YIPF6: variants seen among roughly 807,000 people sequenced by gnomAD.
The protein encoded by YIPF6 is protein YIPF6.
A neutral mutation model predicts 16.8 loss-of-function variants in YIPF6; 3 were observed. The ratio of observed to expected loss-of-function variants is 0.18; its 90% CI spans 0.08 to 0.46. The LOEUF is 0.46. YIPF6 is among the 20% of genes least tolerant of loss of function. YIPF6 has a pLI of 0.98. For synonymous variants in YIPF6, 67 were observed against 61.9 expected, an observed-to-expected ratio of 1.08 and a Z score of -0.38; for missense variants, 145 against 184.9, an observed-to-expected ratio of 0.78 and a Z score of 1.25.
At chrX:68,529,858 A>G (rs2147827595) in intron 6 of YIPF6, among the ~76,000 whole-genome samples, 1 of 111,643 alleles carries the variant, frequency 9.0e-6, no homozygotes, top group African/African-American at 3.3e-5. Flanking sequence ...TCTTCATCCC[A>G]GAGGGGCACC....
At chrX:68,528,428 T>C (rs949875733) in intron 6 of YIPF6, among the ~76,000 whole-genome samples, 2 of 111,957 alleles carry the variant, frequency 1.8e-5, no homozygotes, top group African/African-American at 6.5e-5. Context: ...GTCTTGACTC[T>C]TTATCCAATT....
intron 6 of YIPF6, among the ~76,000 whole-genome samples, chrX:68,531,540 A>C: frequency 8.9e-6 from 1 of 112,308 alleles, no homozygotes; most frequent in East Asian, 2.8e-4. Flanking sequence ...CAAAAAGCAG[A>C]GCAGCACGAG....
At chrX:68,509,010 C>A (rs773070873) in intron 1 of YIPF6, among the ~76,000 whole-genome samples, 125 of 110,659 alleles carry the variant, frequency 1.1e-3, no homozygotes, top group African/African-American at 4.0e-3. Flanking sequence ...GTTGTTGTTG[C>A]TATGGTTACC....
chrX:68,504,309 T>C (rs963545552), intron 1 of YIPF6, among the ~76,000 whole-genome samples: 2 of 111,246 alleles, frequency 1.8e-5, no homozygotes, highest in African/African-American at 6.5e-5. Flanking sequence ...TTCATTATGA[T>C]TAATTGGACC....
rs370865114 is a variant in YIPF6 at position 68,521,353 on chromosome X, C to T, written c.309-19C>T. The stretch of plus-strand genomic sequence containing the variant: ...TAAGTAAAAGATTAAGCAATTCTTA[C>T]GCTGTTTCCTTTTCTCAGAATGCTG... On this transcript the variant is annotated intron_variant, in intron 4 of 6. Transcript: ENST00000462683. 261 of 1,202,354 alleles carry T rather than the reference C, an allele frequency of 2.2e-4. No individual in the cohort carries two copies. The highest frequency in any genetic ancestry group is 2.8e-4 in the Non-Finnish European group (251 of 892,592).
At chrX:68,505,574 G>A (rs956666714) in intron 1 of YIPF6, among the ~76,000 whole-genome samples, 1 of 112,295 alleles carries the variant, frequency 8.9e-6, no homozygotes, top group Admixed American at 9.5e-5. Context: ...AGAGGATTAA[G>A]TGCGAAAGTA....
intron 4 of YIPF6, among the ~76,000 whole-genome samples, chrX:68,519,315 T>C (rs1048591637): frequency 9.0e-5 from 10 of 110,679 alleles, no homozygotes; most frequent in African/African-American, 3.0e-4. Context: ...TAACCATTGA[T>C]AGAGCGGGAA....
rs2079174428 is a variant in YIPF6 at position 68,532,226 on chromosome X, C to T, written c.*227C>T. On this transcript the variant is annotated 3_prime_UTR_variant, in exon 7 of 7. Transcript: ENST00000462683. ...TCTTAATGTCATTTCTTTAAAAATA[C>T]ATGTGCATACTACACACAGTATATA... 5.9e-6 allele frequency: 2 copies of T among 341,082 alleles called. No homozygotes were observed. Among genetic ancestry groups the T allele is most frequent in the Admixed American group, 1.0e-4 (2 of 19,598 alleles). 28.1% of individuals were successfully genotyped at this position (341,082 alleles called of 1,213,427 possible). A position where few individuals can be genotyped will look rare whatever the true frequency, so the allele number is the denominator to read the frequency against.
chrX:68,510,978 A>G (rs1485866441), intron 1 of YIPF6, among the ~76,000 whole-genome samples: 1 of 112,925 alleles, frequency 8.9e-6, no homozygotes, highest in Non-Finnish European at 1.9e-5. Context: ...AAATTTCAGT[A>G]TACTGTCTGC....
chrX:68,517,821 C>T (rs2079109265), intron 3 of YIPF6, among the ~76,000 whole-genome samples: 1 of 109,111 alleles, frequency 9.2e-6, no homozygotes, highest in Admixed American at 9.8e-5. Flanking sequence ...TAAAAGTTAG[C>T]TGGGTGTGGT....
At chrX:68,503,880 G>C (rs893202862) in intron 1 of YIPF6, among the ~76,000 whole-genome samples, 1 of 111,956 alleles carries the variant, frequency 8.9e-6, no homozygotes, top group African/African-American at 3.2e-5. Context: ...CACCATGCCC[G>C]GCTAACTTTT....
intron 3 of YIPF6, chrX:68,514,797 A>G (rs1345828100): frequency 8.9e-6 from 1 of 112,846 alleles, no homozygotes; most frequent in Non-Finnish European, 1.9e-5. Flanking sequence ...CAAGCCTATC[A>G]TTTAGTCTGA....
chrX:68,509,726 C>A (rs1442153691), intron 1 of YIPF6, among the ~76,000 whole-genome samples: 1 of 111,312 alleles, frequency 9.0e-6, no homozygotes, highest in Non-Finnish European at 1.9e-5. Flanking sequence ...TTCTGTCCAT[C>A]CCTTAGTAGT....
intron 5 of YIPF6, 100 bp downstream of exon 5, chrX:68,521,597 A>G (rs1226156420): frequency 2.3e-6 from 2 of 882,425 alleles, no homozygotes; most frequent in African/African-American, 4.1e-5. Flanking sequence ...TTTTTGAGAC[A>G]GGGTGTCACT....
intron 4 of YIPF6, among the ~76,000 whole-genome samples, chrX:68,519,886 T>C (rs1474730503): frequency 8.9e-6 from 1 of 112,260 alleles, no homozygotes; most frequent in Non-Finnish European, 1.9e-5. Flanking sequence ...TTATATTAGA[T>C]GTCCCGAGCA....
intron 6 of YIPF6, among the ~76,000 whole-genome samples, chrX:68,530,131 G>A (rs1199564463): frequency 8.9e-6 from 1 of 111,762 alleles, no homozygotes; most frequent in Non-Finnish European, 1.9e-5. Flanking sequence ...CCCCTGACTG[G>A]GGCTGCTGAC....
chrX:68,522,439 G>T (rs2079130192), intron 5 of YIPF6, among the ~76,000 whole-genome samples: 1 of 110,140 alleles, frequency 9.1e-6, no homozygotes, highest in Non-Finnish European at 1.9e-5. Flanking sequence ...TGGGATTACA[G>T]GTGCCTGCCA....
At chrX:68,505,582 G>A (rs1245196224) in intron 1 of YIPF6, among the ~76,000 whole-genome samples, 1 of 112,272 alleles carries the variant, frequency 8.9e-6, no homozygotes, top group Non-Finnish European at 1.9e-5. Flanking sequence ...AAGTGCGAAA[G>A]TAAAGTTTGA....
rs2079179054 is a variant in YIPF6, at chrX:68,533,283, A to C, written c.*1284A>C. ...CAAGTGTGAAGGTTTTTCAGGGAGC[A>C]GAGCATCTGGGACAGGCTGATTCTG... On this transcript the variant is annotated 3_prime_UTR_variant, in exon 7 of 7. Transcript: ENST00000462683. 8.9e-6 allele frequency: 1 copy of C among 111,855 alleles called. No homozygotes were observed. The highest frequency in any genetic ancestry group is 1.9e-5 in the Non-Finnish European group (1 of 53,213). 9.2% of individuals were successfully genotyped at this position (111,855 alleles called of 1,213,427 possible).
Sources: gnomAD v4.1 joint callset for allele counts (sites outside exome capture counted in the v4.1 genomes callset) on GRCh38, gnomAD v4.1.1 for gene constraint, MANE v1.5 for transcripts, NCBI Gene and HGNC (gene_info 2026-07-23, HGNC 2026-07-21) for gene names.